Variants in ASIC2 observed in about 807,000 individuals in gnomAD.
The protein encoded by ASIC2 is acid-sensing ion channel 2.
Under a neutral mutation model 57.3 loss-of-function variants are expected in ASIC2, and 25 were observed. The observed-to-expected ratio is 0.44, with a 90% CI of 0.32 to 0.61. The LOEUF (loss-of-function observed/expected upper bound fraction) is 0.61. ASIC2 is among the 20% of genes least tolerant of loss of function. The probability of loss-of-function intolerance (pLI) is 0.06; values close to 1 mark genes in which losing one functional copy is unlikely to be tolerated. For missense variants in ASIC2, 641 were observed against 738.1 expected (o/e 0.87, Z 1.52); for synonymous variants, 319 against 307.5 (o/e 1.04, Z -0.39).
intron 1 of ASIC2, among the ~76,000 whole-genome samples, chr17:33,193,275 C>T (rs1906496954): frequency 6.6e-6 from 1 of 152,184 alleles, no homozygotes. Context: ...GCAGTAGGTC[C>T]CTTTCTCCAA....
chr17:33,074,066 G>A (rs1567735031), intron 3 of ASIC2, among the ~76,000 whole-genome samples: 2 of 152,098 alleles, frequency 1.3e-5, no homozygotes, highest in Non-Finnish European at 2.9e-5. Flanking sequence ...ACTGCCTTTG[G>A]CTCTAGCCTC....
At chr17:33,898,728 T>C (rs1915165414) in intron 1 of ASIC2, among the ~76,000 whole-genome samples, 2 of 152,214 alleles carry the variant, frequency 1.3e-5, no homozygotes, top group Non-Finnish European at 2.9e-5. Context: ...TTTATTGTCT[T>C]CCAATATGTG....
chr17:33,290,622 A>G (rs1229379718), intron 1 of ASIC2: 2 of 152,210 alleles, frequency 1.3e-5, no homozygotes, highest in African/African-American at 4.8e-5. Context: ...CATGCCTGCT[A>G]GGATGCTTTC....
chr17:33,889,085 G>A (rs1914898950), intron 1 of ASIC2, among the ~76,000 whole-genome samples: 1 of 152,124 alleles, frequency 6.6e-6, no homozygotes, highest in Non-Finnish European at 1.5e-5. Flanking sequence ...CTGCCTCCTA[G>A]GAGCCTGTTC....
At chr17:33,720,734 A>T (rs1210471297) in intron 1 of ASIC2, among the ~76,000 whole-genome samples, 1 of 152,258 alleles carries the variant, frequency 6.6e-6, no homozygotes, top group South Asian at 2.1e-4. Context: ...TAAACATCCA[A>T]CACAGACCAA....
chr17:33,316,037 G>A (rs1597679478), intron 1 of ASIC2, among the ~76,000 whole-genome samples: 2 of 152,188 alleles, frequency 1.3e-5, no homozygotes, highest in African/African-American at 2.4e-5. Context: ...GTAAAACACC[G>A]AGCTTGGAGC....
At position 33,497,180 on chromosome 17, in the gene ASIC2, C is replaced by CAATG. The variant is rs1006837228; in HGVS notation, c.556-385117_556-385114dup. Reference sequence around the variant, plus strand: ...TCCACAGCATCCATGTCCCCTTCTTCAATGAATGAATGAATGAATGGACAG... The same window carrying CAATG: ...TCCACAGCATCCATGTCCCCTTCTTCAATGAATGAATGAATGAATGAATGGACAG... On this transcript the variant is annotated intron_variant, in intron 1 of 9. Coordinates refer to the ASIC2 transcript ENST00000359872. Among the ~76,000 whole-genome samples, 7 of 152,320 alleles carry CAATG rather than the reference C, an allele frequency of 4.6e-5. No homozygotes were observed. The South Asian group carries it at 6.2e-4, about 14-fold the overall frequency.
At chr17:34,091,770 T>C (rs1162667599) in intron 1 of ASIC2, among the ~76,000 whole-genome samples, 2 of 152,254 alleles carry the variant, frequency 1.3e-5, no homozygotes, top group Non-Finnish European at 2.9e-5. Context: ...AGCTTGTCAG[T>C]TGACTTCCAA....
At chr17:33,154,843 A>C (rs1245120838) in intron 1 of ASIC2, among the ~76,000 whole-genome samples, 1 of 152,202 alleles carries the variant, frequency 6.6e-6, no homozygotes, top group Non-Finnish European at 1.5e-5. Flanking sequence ...CTGTCACATT[A>C]ATTAAAAAAT....
chr17:33,959,708 T>G (rs1287891962), intron 1 of ASIC2, among the ~76,000 whole-genome samples: 1 of 152,248 alleles, frequency 6.6e-6, no homozygotes, highest in African/African-American at 2.4e-5. Flanking sequence ...ATTCTAGCCA[T>G]GCTGGCAGCT....
At chr17:33,333,901 C>G (rs1907413208) in intron 1 of ASIC2, among the ~76,000 whole-genome samples, 1 of 152,158 alleles carries the variant, frequency 6.6e-6, no homozygotes, top group Non-Finnish European at 1.5e-5. Context: ...TCCCCAGACC[C>G]CTGGACTGGG....
chr17:34,104,466 G>A (rs368789723), intron 1 of ASIC2, among the ~76,000 whole-genome samples: 1 of 151,868 alleles, frequency 6.6e-6, no homozygotes, highest in Non-Finnish European at 1.5e-5. Context: ...AGTTTTCCTC[G>A]CATTATTGAA....
intron 1 of ASIC2, among the ~76,000 whole-genome samples, chr17:33,574,334 C>A (rs1048554358): frequency 2.6e-5 from 4 of 152,134 alleles, no homozygotes; most frequent in African/African-American, 9.7e-5. Flanking sequence ...ACCATTTCTG[C>A]TTCCACTTCT....
At chr17:33,897,010 T>C (rs1036292184) in intron 1 of ASIC2, among the ~76,000 whole-genome samples, 2 of 152,132 alleles carry the variant, frequency 1.3e-5, no homozygotes, top group Non-Finnish European at 2.9e-5. Context: ...AGTCTTGAGA[T>C]GGGTGGGGGC....
At chr17:33,400,741 A>T (rs769445354) in intron 1 of ASIC2, among the ~76,000 whole-genome samples, 14 of 152,108 alleles carry the variant, frequency 9.2e-5, no homozygotes, top group Non-Finnish European at 1.5e-4. Context: ...TGAGAATTCA[A>T]GTTGTTCATA....
At position 34,156,586 on chromosome 17, in the gene ASIC2, G is replaced by A; in HGVS notation, c.-54C>T. 1 of 1,515,586 alleles carries A rather than the reference G, an allele frequency of 6.6e-7. No homozygotes were observed. Among genetic ancestry groups the A allele is most frequent in the Non-Finnish European group, 8.9e-7 (1 of 1,126,050 alleles). 93.9% of individuals were successfully genotyped at this position (1,515,586 alleles called of 1,614,324 possible). On this transcript the variant is annotated 5_prime_UTR_variant, in exon 1 of 10. Transcript: ENST00000359872. This position sits in a 1 kb window ranked among gnomAD's most constrained non-coding sequence, Gnocchi z 4.4. ...TTCAGGTTGATCGAATTTCAGAGAA[G>A]AGCTCCCAGTCCTCGGGCTCTGCTT...
intron 1 of ASIC2, among the ~76,000 whole-genome samples, chr17:33,757,920 G>A (rs912451795): frequency 6.6e-6 from 1 of 152,160 alleles, no homozygotes; most frequent in Non-Finnish European, 1.5e-5. Flanking sequence ...AGATTGGGAG[G>A]GTATGAGCTG....
At chr17:34,080,605 C>A (rs1909842331) in intron 1 of ASIC2, among the ~76,000 whole-genome samples, 2 of 152,318 alleles carry the variant, frequency 1.3e-5, no homozygotes, top group African/African-American at 2.4e-5. Flanking sequence ...GAAGGATGGG[C>A]AGCCCCTCTA....
At chr17:33,930,171 G>T (rs962762514) in intron 1 of ASIC2, among the ~76,000 whole-genome samples, 2 of 152,198 alleles carry the variant, frequency 1.3e-5, no homozygotes, top group Non-Finnish European at 2.9e-5. Flanking sequence ...TCAGTAATTC[G>T]TCTTTATCCG....
Sources: allele counts gnomAD v4.1 joint callset (sites outside exome capture counted in the v4.1 genomes callset), GRCh38; gene constraint gnomAD v4.1.1; non-coding constraint Gnocchi (gnomAD v3.1); transcripts MANE v1.5; gene names NCBI Gene and HGNC (gene_info 2026-07-23, HGNC 2026-07-21).